Variants in C2CD3 observed in about 807,000 individuals in gnomAD.
C2CD3 encodes C2 domain-containing protein 3.
In C2CD3, 148 loss-of-function variants were observed where a neutral mutation model predicts 234.0. The ratio of observed to expected loss-of-function variants is 0.63; its 90% CI spans 0.55 to 0.72. The LOEUF (loss-of-function observed/expected upper bound fraction) is 0.72, where lower values mean the gene tolerates loss of function less well. C2CD3 is among the 30% of genes least tolerant of loss of function. The pLI, the probability that C2CD3 is intolerant of heterozygous loss-of-function variation, is 0.00. For missense variants in C2CD3, 2,577 were observed against 2,811.5 expected (o/e 0.92, Z 1.89); for synonymous variants, 1,000 against 1,035.4 (o/e 0.97, Z 0.66).
At chr11:74,082,685 CCT>C (rs1377942089) in intron 22 of C2CD3, among the ~76,000 whole-genome samples, 8 of 151,996 alleles carry the variant, frequency 5.3e-5, no homozygotes, top group African/African-American at 7.2e-5. Context: ...GATTCGCCCC[CCT>C]GTCCCTCCCC....
chr11:74,039,741 G>A (rs1216983958), intron 29 of C2CD3, among the ~76,000 whole-genome samples: 1 of 152,194 alleles, frequency 6.6e-6, no homozygotes, highest in African/African-American at 2.4e-5. Flanking sequence ...CAGGGATGCA[G>A]CTAAACAACC....
At chr11:74,157,078 T>A (rs1292764173) in intron 3 of C2CD3, among the ~76,000 whole-genome samples, 1 of 152,242 alleles carries the variant, frequency 6.6e-6, no homozygotes, top group East Asian at 1.9e-4. Context: ...TATGCAAATT[T>A]GAATTTTCCT....
At chr11:74,115,293 A>G (rs1956887651) in intron 9 of C2CD3, among the ~76,000 whole-genome samples, 1 of 152,074 alleles carries the variant, frequency 6.6e-6, no homozygotes, top group East Asian at 1.9e-4. Flanking sequence ...ATTATACAAT[A>G]CATATGAGTA....
At chr11:74,147,837 T>G (rs1482355076) in intron 3 of C2CD3, among the ~76,000 whole-genome samples, 1 of 152,228 alleles carries the variant, frequency 6.6e-6, no homozygotes, top group African/African-American at 2.4e-5. Context: ...ACTGATGGCA[T>G]GAAATACATT....
intron 2 of C2CD3, chr11:74,168,070 T>G (rs1359489321): frequency 6.4e-6 from 2 of 312,322 alleles, no homozygotes; most frequent in Non-Finnish European, 1.1e-5. Flanking sequence ...AGTATTCATT[T>G]CATCTCTCCA....
intron 9 of C2CD3, among the ~76,000 whole-genome samples, chr11:74,116,560 A>T (rs1370262528): frequency 6.6e-6 from 1 of 152,092 alleles, no homozygotes; most frequent in Non-Finnish European, 1.5e-5. Context: ...CATGGAAAAC[A>T]GTGTGGACAT....
intron 7 of C2CD3, among the ~76,000 whole-genome samples, chr11:74,123,552 A>G (rs1957294555): frequency 6.6e-6 from 1 of 152,214 alleles, no homozygotes; most frequent in African/African-American, 2.4e-5. Context: ...AGATACACCC[A>G]CTTCCAATAA....
chr11:74,028,579 T>C (rs1393661083), intron 31 of C2CD3, among the ~76,000 whole-genome samples, 181 bp from the exon 32 acceptor site: 1 of 152,146 alleles, frequency 6.6e-6, no homozygotes, highest in East Asian at 1.9e-4. Context: ...TCCTAACACA[T>C]ATAAGTTTTT....
chr11:74,092,551 T>C lies in C2CD3; in HGVS notation c.3382A>G (p.Lys1128Glu), dbSNP rs149208703. ...YPNVRDQKVA[K>E]GTLPLSRICA... ...ATCCTTGATAATGGCAAGGTTCCTT[T>C]GGCGACCTTCTGGTCTCTCACATTA... The change falls in exon 19 of 33, where the codon AAA becomes GAA. Residue 1128 changes from lysine (K) to glutamate (E), a missense_variant. By Grantham distance (56) the Lys-to-Glu change is moderately conservative. Transcript: ENST00000334126. The C allele has an allele frequency of 6.2e-7, 1 of 1,613,970 alleles. No homozygotes were observed. The highest frequency in any genetic ancestry group is 1.3e-5 in the African/African-American group (1 of 75,024).
chr11:74,048,060 G>T, intron 28 of C2CD3, 145 bp downstream of exon 28: 1 of 856,480 alleles, frequency 1.2e-6, no homozygotes, highest in Non-Finnish European at 1.8e-6. Context: ...CGATCTTGGG[G>T]TTTTTGGAGT....
chr11:74,022,119 G>A (rs1283244408), intron 32 of C2CD3, among the ~76,000 whole-genome samples: 3 of 151,816 alleles, frequency 2.0e-5, no homozygotes, highest in Non-Finnish European at 1.5e-5. Flanking sequence ...GTGAGATTCC[G>A]TCTCGGGGAA....
At position 74,170,849 on chromosome 11, in the gene C2CD3, T is replaced by A; in HGVS notation, c.-57A>T. The A allele has an allele frequency of 1.3e-6, 2 of 1,595,390 alleles. No individual in the cohort carries two copies. Among genetic ancestry groups the A allele is most frequent in the Non-Finnish European group, 1.7e-6 (2 of 1,170,042 alleles). On this transcript the variant is annotated 5_prime_UTR_variant, in exon 1 of 33. Transcript: ENST00000334126. ...CTCCGTCTCCAGCACCTAAGCAGTA[T>A]CCTCCCGCCATCCCTCCCCACGGCG...
At chr11:74,126,925 T>C (rs940764345) in intron 7 of C2CD3, among the ~76,000 whole-genome samples, 20 of 152,194 alleles carry the variant, frequency 1.3e-4, no homozygotes, top group Non-Finnish European at 2.5e-4. Flanking sequence ...CCTAAGGAAC[T>C]ATTAATCTAT....
At chr11:74,057,775 A>G (rs950082349) in intron 24 of C2CD3, among the ~76,000 whole-genome samples, 27 of 152,152 alleles carry the variant, frequency 1.8e-4, no homozygotes, top group African/African-American at 6.0e-4. Flanking sequence ...ATTCAAGACC[A>G]GCCTGGGCAA....
intron 17 of C2CD3, 44 bp downstream of exon 17, chr11:74,095,184 A>T: frequency 7.5e-7 from 1 of 1,335,528 alleles, no homozygotes; most frequent in Non-Finnish European, 1.0e-6. Context: ...ATAATCTAAT[A>T]AAAGAACCAT....
Position 74,103,579 on chromosome 11 carries a change from T to C in C2CD3, c.2132A>G (p.Asn711Ser). 5 of 1,613,268 alleles carry C rather than the reference T, an allele frequency of 3.1e-6. No individual in the cohort carries two copies. The highest frequency in any genetic ancestry group is 4.5e-5 in the East Asian group (2 of 44,890). The change falls in exon 14 of 33, where the codon AAT becomes AGT. Residue 711 changes from asparagine to serine, a missense_variant. Asn to Ser is a conservative substitution (Grantham distance 46). Coordinates refer to ENST00000334126, the MANE Select transcript of C2CD3 (RefSeq NM_001286577.2). ...ATGGGTGTTGCCACTTAACTTAGTA[T>C]TGATACCAGTGAAATCTTTGTTATC... ...ITDNKDFTGINTKLSGNTHYT... is the reference protein window; with the variant it reads ...ITDNKDFTGISTKLSGNTHYT...
At chr11:74,034,501 A>G in intron 30 of C2CD3, 1 of 1,596,202 alleles carries the variant, frequency 6.3e-7, no homozygotes, top group Non-Finnish European at 8.5e-7. Context: ...ATAGTTGTGG[A>G]TACATCTGTG....
In C2CD3 at chr11:74,092,504, C is replaced by T. The variant is rs754802202; in HGVS notation, c.3429G>A (p.Gln1143=). ...TCTGTATTCCCACATCCTCACGATG[C>T]TGGGTGGTTACCATAGCACAGATCC... ...LSRICAMVTT[Q]HREDVGIQTF... The change falls in exon 19 of 33, where the codon CAG becomes CAA. Residue 1143 remains glutamine, a synonymous_variant. Transcript: ENST00000334126. The T allele has an allele frequency of 1.3e-5, 21 of 1,613,510 alleles. No individual in the cohort carries two copies. Among genetic ancestry groups the T allele is most frequent in the Non-Finnish European group, 1.8e-5 (21 of 1,179,450 alleles).
chr11:74,058,820 C>T (rs1258137980), intron 24 of C2CD3, among the ~76,000 whole-genome samples: 1 of 151,610 alleles, frequency 6.6e-6, no homozygotes, highest in Admixed American at 6.6e-5. Context: ...CCACATGTGG[C>T]CATTCACCTT....
Sources: allele counts gnomAD v4.1 joint callset (sites outside exome capture counted in the v4.1 genomes callset), GRCh38; gene constraint gnomAD v4.1.1; transcripts MANE v1.5; gene names NCBI Gene and HGNC (gene_info 2026-07-23, HGNC 2026-07-21).